Variants in CABIN1 observed in about 807,000 individuals in gnomAD.
The protein encoded by CABIN1 is calcineurin-binding protein cabin-1.
Under a neutral mutation model 227.7 loss-of-function variants are expected in CABIN1, and 133 were observed. The observed-to-expected ratio is 0.58, with a 90% CI of 0.51 to 0.67. CABIN1 has a LOEUF of 0.67. Ranked by LOEUF, CABIN1 falls within the 30% of genes least tolerant of loss-of-function variation. The pLI, the probability that CABIN1 is intolerant of heterozygous loss-of-function variation, is 0.00. For synonymous variants in CABIN1, 1,086 were observed against 1,155.1 expected (o/e 0.94, Z 1.21); for missense variants, 2,408 against 2,852.5 (o/e 0.84, Z 3.55).
chr22:24,084,511 G>A (rs909968102), intron 20 of CABIN1, 68 bp from the exon 21 acceptor site: 4 of 1,237,020 alleles, frequency 3.2e-6, no homozygotes, highest in Non-Finnish European at 4.8e-6. Flanking sequence ...TTTCTATGGA[G>A]GAATGCAATT....
chr22:24,162,595 A>G (rs1162031527), intron 29 of CABIN1, among the ~76,000 whole-genome samples: 1 of 152,256 alleles, frequency 6.6e-6, no homozygotes, highest in Admixed American at 6.5e-5. Context: ...AGATGCCAGA[A>G]TGAAACCAGA....
At chr22:24,021,813 T>C (rs991924064) in intron 1 of CABIN1, among the ~76,000 whole-genome samples, 66 of 152,328 alleles carry the variant, frequency 4.3e-4, no homozygotes, top group African/African-American at 1.5e-3. Flanking sequence ...GCTTCCCAAG[T>C]AGCTGGGATT....
chr22:24,064,773 C>T (rs1345531814), intron 15 of CABIN1, among the ~76,000 whole-genome samples: 1 of 152,030 alleles, frequency 6.6e-6, no homozygotes, highest in Non-Finnish European at 1.5e-5. Context: ...CTTTCACCGC[C>T]CTTAATCCAT....
intron 26 of CABIN1, 61 bp from the exon 27 acceptor site, chr22:24,113,505 C>T: frequency 2.0e-6 from 3 of 1,496,514 alleles, no homozygotes; most frequent in South Asian, 2.3e-5. Flanking sequence ...TAGGAAGGCC[C>T]CCTGTGTTGG....
chr22:24,124,254 C>T lies in CABIN1; in HGVS notation c.4632+4556C>T, dbSNP rs191002628. 5.8e-4 allele frequency among the ~76,000 whole-genome samples: 88 copies of T among 152,324 alleles called. 2 individuals carry two copies. In the South Asian group the frequency reaches 0.012, roughly 20 times the overall value. On this transcript the variant is annotated intron_variant, in intron 28 of 36. Transcript: ENST00000263119. Reference sequence around the variant, plus strand: ...CAGTGCTGGGGCAATGTCCAACATACCCTGCACTGCCCTCAGCCAACAATC... The same window carrying T: ...CAGTGCTGGGGCAATGTCCAACATATCCTGCACTGCCCTCAGCCAACAATC...
intron 29 of CABIN1, among the ~76,000 whole-genome samples, chr22:24,162,501 A>G (rs1250335028): frequency 1.3e-5 from 2 of 152,252 alleles, no homozygotes; most frequent in East Asian, 1.9e-4. Flanking sequence ...TACAGTAAAG[A>G]GATGAACAAG....
chr22:24,128,564 A>G (rs2043877034), intron 28 of CABIN1, among the ~76,000 whole-genome samples: 1 of 152,136 alleles, frequency 6.6e-6, no homozygotes, highest in Non-Finnish European at 1.5e-5. Context: ...CCTCTGGCCT[A>G]TAGAACACTA....
rs1569112630 is a variant in CABIN1 at position 24,042,878 on chromosome 22, T to TGTG, written c.346-26_346-25insGTG. The TGTG allele has an allele frequency of 1.9e-4, 178 of 952,176 alleles. 1 individual carries two copies. The African/African-American group carries it at 2.3e-3, about 13-fold the overall frequency. 59.0% of individuals were successfully genotyped at this position (952,176 alleles called of 1,614,324 possible). On this transcript the variant is annotated intron_variant, in intron 5 of 36. Coordinates refer to ENST00000263119, the MANE Select transcript of CABIN1 (RefSeq NM_012295.4). ...TGTGTGTGTGTGTGTGTGTGTGTGTTTGCCCTCTGCTTGTGTCGCTTCCAG... is the reference window on the plus strand; with the variant it reads ...TGTGTGTGTGTGTGTGTGTGTGTGTTGTGTGCCCTCTGCTTGTGTCGCTTCCAG...
At chr22:24,174,596 T>C (rs1456207118) in intron 34 of CABIN1, among the ~76,000 whole-genome samples, 4 of 151,804 alleles carry the variant, frequency 2.6e-5, no homozygotes, top group Admixed American at 6.6e-5. Flanking sequence ...TTTTTGAGGG[T>C]CAGGAATTTA....
chr22:24,144,503 A>G (rs2044985113), intron 29 of CABIN1, among the ~76,000 whole-genome samples: 1 of 152,234 alleles, frequency 6.6e-6, no homozygotes. Flanking sequence ...TGATCAGGTA[A>G]ACAGAGCACA....
At chr22:24,165,309 T>C (rs893834841) in intron 30 of CABIN1, among the ~76,000 whole-genome samples, 1 of 152,216 alleles carries the variant, frequency 6.6e-6, no homozygotes, top group African/African-American at 2.4e-5. Context: ...GCAGAGGGCC[T>C]AAGGGCAACA....
At chr22:24,101,609 G>T (rs537481574) in intron 26 of CABIN1, 1 of 152,290 alleles carries the variant, frequency 6.6e-6, no homozygotes, top group Non-Finnish European at 1.5e-5. Context: ...TTTGTCCTCT[G>T]CTGTGCTGCT....
intron 15 of CABIN1, 73 bp from the exon 16 acceptor site, chr22:24,066,913 CA>C (rs923888520): frequency 6.9e-7 from 1 of 1,459,164 alleles, no homozygotes; most frequent in Non-Finnish European, 9.6e-7. Context: ...CTGATAAAAA[CA>C]AACACTGGCC....
chr22:24,070,730 C>G (rs2040022640), intron 16 of CABIN1, 70 bp from the exon 17 acceptor site: 1 of 1,611,204 alleles, frequency 6.2e-7, no homozygotes. Flanking sequence ...CTTCAGTTGT[C>G]TCTGCTCAGG....
chr22:24,127,337 A>G (rs539567703), intron 28 of CABIN1, among the ~76,000 whole-genome samples: 21 of 152,324 alleles, frequency 1.4e-4, no homozygotes, highest in African/African-American at 5.1e-4. Context: ...AGGGAATTCA[A>G]GGAGTGAGTG....
chr22:24,035,574 A>C, intron 2 of CABIN1, 54 bp downstream of exon 2: 1 of 1,608,678 alleles, frequency 6.2e-7, no homozygotes, highest in Non-Finnish European at 8.5e-7. Context: ...TTGTTACGTT[A>C]CTCCTGGGGG....
chr22:24,109,468 G>A (rs2042695124), intron 26 of CABIN1, among the ~76,000 whole-genome samples: 1 of 151,436 alleles, frequency 6.6e-6, no homozygotes, highest in African/African-American at 2.4e-5. Context: ...CTCCCTCCTT[G>A]GCCTCCCAAA....
chr22:24,081,159 G>A (rs2040781356), intron 19 of CABIN1, among the ~76,000 whole-genome samples: 1 of 152,068 alleles, frequency 6.6e-6, no homozygotes. Flanking sequence ...TTAAAAAATA[G>A]TTTTTTTCTG....
intron 29 of CABIN1, chr22:24,156,457 C>T (rs1188691128): frequency 5.1e-6 from 1 of 195,812 alleles, no homozygotes. Context: ...CCCTACCAAG[C>T]CCCGGGCTGG....
Sources: allele counts gnomAD v4.1 joint callset (sites outside exome capture counted in the v4.1 genomes callset), GRCh38; gene constraint gnomAD v4.1.1; transcripts MANE v1.5; gene names NCBI Gene and HGNC (gene_info 2026-07-23, HGNC 2026-07-21).